Variants in CATSPER3 observed in about 807,000 individuals in gnomAD.
CATSPER3 encodes cation channel sperm-associated protein 3.
Under a neutral mutation model 36.6 loss-of-function variants are expected in CATSPER3, and 23 were observed. The observed-to-expected ratio is 0.63, with a 90% CI of 0.45 to 0.89. CATSPER3 has a LOEUF of 0.89. CATSPER3 is among the 40% of genes least tolerant of loss of function. The pLI is 0.00. For missense variants in CATSPER3, 474 were observed against 503.9 expected (o/e 0.94, Z 0.57); for synonymous variants, 172 against 184.1 (o/e 0.93, Z 0.53).
chr5:134,970,406 G>T (rs1262781954), intron 2 of CATSPER3, among the ~76,000 whole-genome samples: 5 of 151,682 alleles, frequency 3.3e-5, no homozygotes, highest in Non-Finnish European at 7.4e-5. Context: ...TGATCCACCC[G>T]CCTCAGCCTC....
At chr5:135,010,285 G>C in intron 6 of CATSPER3, 88 bp from the exon 7 acceptor site, 1 of 1,189,602 alleles carries the variant, frequency 8.4e-7, no homozygotes, top group African/African-American at 1.5e-5. Context: ...GCCGCTGCCT[G>C]GGGCCCATCC....
intron 2 of CATSPER3, among the ~76,000 whole-genome samples, chr5:134,991,494 C>T (rs974138705): frequency 6.6e-6 from 1 of 152,164 alleles, no homozygotes; most frequent in Non-Finnish European, 1.5e-5. Flanking sequence ...ATTCAAATAT[C>T]TATGGTCAAT....
At chr5:134,970,115 T>C (rs754769759) in intron 2 of CATSPER3, 23 bp downstream of exon 2, 1 of 1,608,832 alleles carries the variant, frequency 6.2e-7, no homozygotes, top group Non-Finnish European at 8.5e-7. Flanking sequence ...AATGGGTCCA[T>C]TTTCTTCTTT....
chr5:134,989,059 A>G (rs1751848435), intron 2 of CATSPER3, among the ~76,000 whole-genome samples: 2 of 152,150 alleles, frequency 1.3e-5, no homozygotes, highest in African/African-American at 4.8e-5. Flanking sequence ...GACCAGGTGC[A>G]TTGTCAATGG....
At chr5:134,991,936 CA>C (rs1416934038) in intron 2 of CATSPER3, among the ~76,000 whole-genome samples, 1 of 151,932 alleles carries the variant, frequency 6.6e-6, no homozygotes, top group Admixed American at 6.6e-5. Flanking sequence ...GAGTTTGGAC[CA>C]ACCTGATGGA....
At chr5:135,008,753 G>A in intron 4 of CATSPER3, 88 bp from the exon 5 acceptor site, 2 of 1,178,856 alleles carry the variant, frequency 1.7e-6, no homozygotes, top group Non-Finnish European at 2.5e-6. Context: ...CTTCTCCTCA[G>A]TGGGCCTGGG....
intron 2 of CATSPER3, among the ~76,000 whole-genome samples, chr5:134,986,229 C>CT (rs1197416809): frequency 6.6e-6 from 1 of 151,394 alleles, no homozygotes; most frequent in African/African-American, 2.4e-5. Context: ...ACTGCAACCT[C>CT]TGACTCCTGG....
Position 135,002,592 on chromosome 5 carries a change from A to G in CATSPER3, c.493-5365A>G, listed in dbSNP as rs187921373. Reference sequence around the variant, plus strand: ...TGGTTCCATTCTCCCTGTCACTTTCAGGTACACCAATCAGACATAGGTTTG... The same window carrying G: ...TGGTTCCATTCTCCCTGTCACTTTCGGGTACACCAATCAGACATAGGTTTG... On this transcript the variant is annotated intron_variant, in intron 3 of 7. Transcript: ENST00000282611. Among the ~76,000 whole-genome samples the G allele has an allele frequency of 8.5e-3, 1,295 of 152,314 alleles. 22 individuals are homozygous for G. Among genetic ancestry groups the G allele is most frequent in the Non-Finnish European group, 9.8e-3 (668 of 68,030 alleles).
intron 1 of CATSPER3, 57 bp downstream of exon 1, chr5:134,968,146 G>T: frequency 8.1e-7 from 1 of 1,229,794 alleles, no homozygotes. Flanking sequence ...AAGTGTGAGG[G>T]CAGGGTGTCA....
chr5:134,992,599 C>T (rs182725930), intron 2 of CATSPER3, among the ~76,000 whole-genome samples: 83 of 152,156 alleles, frequency 5.5e-4, no homozygotes, highest in African/African-American at 2.0e-3. Context: ...TTGGTGGGCA[C>T]CAGTAATCCC....
At position 135,008,848 on chromosome 5, in the gene CATSPER3, G is replaced by A. The variant is rs761108797; in HGVS notation, c.683G>A (p.Gly228Asp). ...TCTTCCCTGCCTGAGCAGGTTGATG[G>A]CTGGACAGACCTGCAGAAGCAGTTG... ...FTLFSLATVD[G>D]WTDLQKQLDN... The change falls in exon 5 of 8, where the codon GGC becomes GAC. Residue 228 changes from glycine (G) to aspartate (D), a missense_variant. Transcript: ENST00000282611. The A allele has an allele frequency of 4.3e-6, 7 of 1,613,986 alleles. No homozygotes were observed. In the African/African-American group the frequency reaches 8.0e-5, roughly 18 times the overall value.
intron 2 of CATSPER3, among the ~76,000 whole-genome samples, chr5:134,974,756 C>T (rs1646647449): frequency 6.6e-6 from 1 of 152,124 alleles, no homozygotes; most frequent in Non-Finnish European, 1.5e-5. Context: ...TGTGTCAGAT[C>T]CACTTGGCAC....
chr5:135,007,814 C>T lies in CATSPER3; in HGVS notation c.493-143C>T. ...TCAACCAACCAACCAACCCACCCAC[C>T]CACCCTTATTGAGCATCTACCTTGT... is the stretch of plus-strand genomic sequence containing the variant. On this transcript the variant is annotated intron_variant, in intron 3 of 7. Transcript: ENST00000282611. 7.3e-6 allele frequency: 2 copies of T among 272,444 alleles called. 1 individual carries two copies. The highest frequency in any genetic ancestry group is 6.8e-5 in the South Asian group (2 of 29,544). 16.9% of individuals were successfully genotyped at this position (272,444 alleles called of 1,614,324 possible).
At chr5:134,999,104 A>C (rs1453223070) in intron 3 of CATSPER3, among the ~76,000 whole-genome samples, 1 of 152,052 alleles carries the variant, frequency 6.6e-6, no homozygotes, top group East Asian at 1.9e-4. Flanking sequence ...GGTGTAAGGA[A>C]GGGATCCAGT....
At chr5:134,984,410 C>CA (rs1424728253) in intron 2 of CATSPER3, among the ~76,000 whole-genome samples, 1 of 151,920 alleles carries the variant, frequency 6.6e-6, no homozygotes, top group Non-Finnish European at 1.5e-5. Context: ...ACAAGGAACT[C>CA]AAAGAAATTA....
intron 6 of CATSPER3, among the ~76,000 whole-genome samples, chr5:135,009,694 G>A (rs768710774): frequency 1.4e-4 from 6 of 41,722 alleles, no homozygotes; most frequent in Admixed American, 4.0e-4. Context: ...TGGACCTCTC[G>A]GAGTGTTGAG....
At chr5:135,007,190 T>C (rs1321149871) in intron 3 of CATSPER3, among the ~76,000 whole-genome samples, 1 of 152,210 alleles carries the variant, frequency 6.6e-6, no homozygotes, top group African/African-American at 2.4e-5. Flanking sequence ...TGCCATTGTA[T>C]TGGAGTGTGA....
At chr5:135,004,058 A>G (rs1247820653) in intron 3 of CATSPER3, among the ~76,000 whole-genome samples, 2 of 152,238 alleles carry the variant, frequency 1.3e-5, no homozygotes, top group Non-Finnish European at 2.9e-5. Context: ...ACTGGGAGCT[A>G]TAGACTGGAG....
intron 2 of CATSPER3, among the ~76,000 whole-genome samples, chr5:134,978,779 G>A (rs1441722925): frequency 1.3e-5 from 2 of 151,496 alleles, no homozygotes; most frequent in African/African-American, 4.9e-5. Flanking sequence ...GAGTGCAGTG[G>A]GGCCATCTTG....
Sources: allele counts gnomAD v4.1 joint callset (sites outside exome capture counted in the v4.1 genomes callset), GRCh38; gene constraint gnomAD v4.1.1; transcripts MANE v1.5; gene names NCBI Gene and HGNC (gene_info 2026-07-23, HGNC 2026-07-21).